ANKUB1: variants seen among roughly 807,000 people sequenced by gnomAD.
ANKUB1 encodes the protein protein ANKUB1.
A neutral mutation model predicts 49.3 loss-of-function variants in ANKUB1; 42 were observed. The ratio of observed to expected loss-of-function variants is 0.85; its 90% CI spans 0.67 to 1.10. The LOEUF (loss-of-function observed/expected upper bound fraction) is 1.10, where lower values mean the gene tolerates loss of function less well. Ranked by LOEUF, ANKUB1 falls within the 50% of genes least tolerant of loss-of-function variation. The pLI is 0.00. For missense variants in ANKUB1, 613 were observed against 642.0 expected, an observed-to-expected ratio of 0.95 and a Z score of 0.49; for synonymous variants, 222 against 231.0, an observed-to-expected ratio of 0.96 and a Z score of 0.35.
intron 4 of ANKUB1, among the ~76,000 whole-genome samples, chr3:149,769,538 A>G (rs566774109): frequency 9.2e-5 from 14 of 152,358 alleles, no homozygotes; most frequent in Admixed American, 2.0e-4. Flanking sequence ...CGCTGAAAGT[A>G]TCATAAGTCT....
At chr3:149,776,329 AGTGCCAGC>A (rs1449351266) in intron 3 of ANKUB1, among the ~76,000 whole-genome samples, 1 of 152,094 alleles carries the variant, frequency 6.6e-6, no homozygotes, top group East Asian at 1.9e-4. Context: ...GCATGTCCTG[AGTGCCAGC>A]CATTGGCCCT....
chr3:149,778,377 A>C (rs1477232194), intron 3 of ANKUB1: 1 of 152,212 alleles, frequency 6.6e-6, no homozygotes, highest in African/African-American at 2.4e-5. Flanking sequence ...TGAGCAAGTC[A>C]TTTAATCATT....
At chr3:149,779,828 C>A in intron 3 of ANKUB1, 1 of 179,966 alleles carries the variant, frequency 5.6e-6, no homozygotes, top group East Asian at 1.3e-4. Flanking sequence ...CTATGAGACC[C>A]TCCTTATTTC....
chr3:149,766,178 C>T (rs1428485350), intron 5 of ANKUB1, among the ~76,000 whole-genome samples: 1 of 152,150 alleles, frequency 6.6e-6, no homozygotes, highest in African/African-American at 2.4e-5. Flanking sequence ...AATTCCGATA[C>T]ACTTTCTTAT....
In ANKUB1 at chr3:149,768,013, G is replaced by A. The variant is rs7645720; in HGVS notation, c.649C>T (p.Arg217Trp). The A allele has an allele frequency of 3.5e-4, 524 of 1,495,076 alleles. 1 individual carries two copies. The African/African-American group carries it at 6.3e-3, about 18-fold the overall frequency. 92.6% of individuals were successfully genotyped at this position (1,495,076 alleles called of 1,614,324 possible). ...LTEWALKQGA[R>W]PHEAVGVHPY... ...TGAACACCGACTGCCTCGTGGGGCC[G>A]CGCACCCTGCTTCAGGGCCCATTCA... The change falls in exon 5 of 6, where the codon CGG becomes TGG. Residue 217 changes from arginine (R) to tryptophan (W), a missense_variant. Physicochemically the swap from Arg to Trp is moderately radical, Grantham distance 101. Coordinates refer to ENST00000446160, the MANE Select transcript of ANKUB1 (RefSeq NM_001144960.3).
chr3:149,767,235 T>C lies in ANKUB1; in HGVS notation c.1427A>G (p.Lys476Arg). 1 of 1,551,192 alleles carries C rather than the reference T, an allele frequency of 6.4e-7. No homozygotes were observed. The highest frequency in any genetic ancestry group is 1.2e-5 in the South Asian group (1 of 83,842). The change falls in exon 5 of 6, where the codon AAG becomes AGG. Residue 476 changes from lysine to arginine, a missense_variant. Physicochemically the swap from Lys to Arg is conservative, Grantham distance 26. Coordinates refer to ENST00000446160, the MANE Select transcript of ANKUB1 (RefSeq NM_001144960.3). The part of the protein sequence containing the change: ...YATPSADFLL[K>R]SSFSSFLEHS... The stretch of plus-strand genomic sequence containing the variant: ...CTCTAAGAAAGATGAGAAGGAGGAC[T>C]TCAGTAAAAAGTCAGCACTGGGTGT...
chr3:149,771,978 A>G (rs1717385568), intron 3 of ANKUB1, among the ~76,000 whole-genome samples: 1 of 140,210 alleles, frequency 7.1e-6, no homozygotes, highest in Non-Finnish European at 1.5e-5. Flanking sequence ...TGGTACATCT[A>G]TTTTGCTACC....
At position 149,761,266 on chromosome 3, in the gene ANKUB1, A is replaced by G; in HGVS notation, c.*218T>C. ...AACTACTATTCTAAGTTTCTTCTGA[A>G]TTCTTCCTCATATTCTTTATGCAAA... On this transcript the variant is annotated 3_prime_UTR_variant, in exon 6 of 6. Transcript: ENST00000446160. 2.3e-6 allele frequency: 1 copy of G among 436,782 alleles called. No homozygotes were observed. 27.1% of individuals were successfully genotyped at this position (436,782 alleles called of 1,614,324 possible).
chr3:149,769,391 G>T (rs1323009678), intron 4 of ANKUB1, among the ~76,000 whole-genome samples: 1 of 152,218 alleles, frequency 6.6e-6, no homozygotes, highest in African/African-American at 2.4e-5. Flanking sequence ...AAAATTACAT[G>T]TGAGCTTAGG....
intron 3 of ANKUB1, 100 bp downstream of exon 3, chr3:149,780,139 G>T: frequency 1.1e-6 from 1 of 931,720 alleles, no homozygotes; most frequent in Non-Finnish European, 1.6e-6. Flanking sequence ...GATTGTATAT[G>T]AAAATCTAGA....
chr3:149,771,425 T>C (rs1255118421), intron 3 of ANKUB1, among the ~76,000 whole-genome samples: 4 of 152,208 alleles, frequency 2.6e-5, no homozygotes, highest in Admixed American at 2.6e-4. Context: ...ACACCAAGTC[T>C]ACTCCCATCT....
chr3:149,792,256 G>T, intron 1 of ANKUB1, 21 bp downstream of exon 1: 1 of 1,450,632 alleles, frequency 6.9e-7, no homozygotes, highest in Non-Finnish European at 9.2e-7. Context: ...CATTTTGGTG[G>T]TTTGGGAACG....
intron 5 of ANKUB1, among the ~76,000 whole-genome samples, chr3:149,765,361 ATAGT>A (rs1165048360): frequency 3.3e-5 from 5 of 152,198 alleles, no homozygotes; most frequent in Admixed American, 6.5e-5. Context: ...GGTGCTGGAA[ATAGT>A]TTGCATCTGA....
rs778066924 is a variant in ANKUB1, at chr3:149,767,706, C to T, written c.956G>A (p.Trp319Ter). 1 of 1,551,584 alleles carries T rather than the reference C, an allele frequency of 6.4e-7. No homozygotes were observed. ...PMRIYIKIKQWILRAQSHSLH... is the reference protein window; with the variant it reads ...PMRIYIKIKQ ...ACTGTGACTCTGAGCTCTGAGGATC[C>T]ATTGTTTTATTTTAATATAAATCCT... The change falls in exon 5 of 6, where the codon TGG (tryptophan) becomes TAG (stop). Residue 319 changes from tryptophan (W) to a stop codon, truncating the protein, a stop_gained. Transcript: ENST00000446160. LOFTEE classifies it high-confidence loss of function.
chr3:149,766,704 G>A lies in ANKUB1; in HGVS notation c.1505+453C>T, dbSNP rs138245624. 796 of 659,072 alleles carry A rather than the reference G, an allele frequency of 1.2e-3. 57 individuals carry two copies. The East Asian group carries it at 0.017, about 14-fold the overall frequency. 40.8% of individuals were successfully genotyped at this position (659,072 alleles called of 1,614,324 possible). A position where few individuals can be genotyped will look rare whatever the true frequency, so the allele number is the denominator to read the frequency against. On this transcript the variant is annotated intron_variant, in intron 5 of 5. Coordinates refer to ENST00000446160, the MANE Select transcript of ANKUB1 (RefSeq NM_001144960.3). ...TCCCAGCTACTTGGAAGGCTGAGATGGGAGAATTGCTTGAGCCTAGGAATT... is the reference window on the plus strand; with the variant it reads ...TCCCAGCTACTTGGAAGGCTGAGATAGGAGAATTGCTTGAGCCTAGGAATT...
intron 5 of ANKUB1, among the ~76,000 whole-genome samples, chr3:149,765,565 C>T (rs1716977145): frequency 6.6e-6 from 1 of 152,148 alleles, no homozygotes; most frequent in Non-Finnish European, 1.5e-5. Context: ...CACACACACA[C>T]ACACCTTAAA....
chr3:149,774,851 T>C (rs1717523486), intron 3 of ANKUB1, among the ~76,000 whole-genome samples: 1 of 152,226 alleles, frequency 6.6e-6, no homozygotes, highest in Non-Finnish European at 1.5e-5. Context: ...GTTAAATTCC[T>C]TCATAAGCCT....
Position 149,767,453 on chromosome 3 carries a change from T to C in ANKUB1, c.1209A>G (p.Gln403=). The change falls in exon 5 of 6, where the codon CAA becomes CAG. Residue 403 remains glutamine, a synonymous_variant. Coordinates refer to ENST00000446160, the MANE Select transcript of ANKUB1 (RefSeq NM_001144960.3). ...TCACCAGTGGATGAAATTTGAGGGC[T>C]TGTTTTCTTGTGTCCGGCTGTGAAA... ...LAISQPDTRK[Q]ALKFHPLVNA... The C allele has an allele frequency of 1.3e-6, 2 of 1,551,758 alleles. No homozygotes were observed. Among genetic ancestry groups the C allele is most frequent in the Non-Finnish European group, 1.7e-6 (2 of 1,146,998 alleles).
chr3:149,763,051 A>G (rs77132697), intron 5 of ANKUB1, among the ~76,000 whole-genome samples: 1,880 of 152,330 alleles, frequency 0.012, 33 homozygotes, highest in African/African-American at 0.043. Flanking sequence ...TAAAAGTACC[A>G]TAGTGTTTCC....
Sources: gnomAD v4.1 joint callset for allele counts (sites outside exome capture counted in the v4.1 genomes callset) on GRCh38, gnomAD v4.1.1 for gene constraint, MANE v1.5 for transcripts, NCBI Gene and HGNC (gene_info 2026-07-23, HGNC 2026-07-21) for gene names.